ATP11B: variants seen among roughly 807,000 people sequenced by gnomAD.
ATP11B encodes ATPase phospholipid transporting 11B (putative).
ATP11B carries 81 observed loss-of-function variants against 157.8 expected under a neutral mutation model. The observed-to-expected ratio is 0.51, with a 90% CI of 0.43 to 0.62. The LOEUF (loss-of-function observed/expected upper bound fraction) is 0.62. Among genes scored for constraint, ATP11B ranks in the 20% least tolerant of loss-of-function variants. The probability of loss-of-function intolerance (pLI) is 0.00; values close to 1 mark genes in which losing one functional copy is unlikely to be tolerated. For missense variants in ATP11B, 1,165 were observed against 1,402.2 expected (o/e 0.83, Z 2.70); for synonymous variants, 451 against 469.4 (o/e 0.96, Z 0.51).
chr3:182,893,552 G>A (rs1723319523), intron 25 of ATP11B, among the ~76,000 whole-genome samples: 1 of 152,100 alleles, frequency 6.6e-6, no homozygotes, highest in Non-Finnish European at 1.5e-5. Flanking sequence ...TGTATTCCAT[G>A]GTATATATGT....
At chr3:182,853,300 C>T (rs571302924) in intron 10 of ATP11B, among the ~76,000 whole-genome samples, 11 of 152,182 alleles carry the variant, frequency 7.2e-5, no homozygotes, top group South Asian at 4.1e-4. Flanking sequence ...CTCCGCCTCC[C>T]GGGTTCAAGC....
chr3:182,866,201 C>A, intron 13 of ATP11B, 67 bp from the exon 14 acceptor site: 2 of 1,217,186 alleles, frequency 1.6e-6, no homozygotes, highest in Non-Finnish European at 2.2e-6. Context: ...TAGAATTTTG[C>A]CTCTGGTTTC....
At chr3:182,844,012 T>C (rs1705673789) in intron 8 of ATP11B, 1 of 152,214 alleles carries the variant, frequency 6.6e-6, no homozygotes, top group Non-Finnish European at 1.5e-5. Context: ...AATGTGTGGA[T>C]ACATAGTCTG....
At chr3:182,905,879 C>T in intron 28 of ATP11B, 5 of 456,696 alleles carry the variant, frequency 1.1e-5, no homozygotes, top group Non-Finnish European at 1.8e-5. Flanking sequence ...CACCTGCTAG[C>T]TGAGGCTTGC....
intron 2 of ATP11B, among the ~76,000 whole-genome samples, chr3:182,821,088 G>C (rs1576969838): frequency 6.6e-6 from 1 of 152,180 alleles, no homozygotes; most frequent in South Asian, 2.1e-4. Flanking sequence ...TAAATGGCTA[G>C]ATTGGATTTT....
At chr3:182,844,642 C>A in intron 8 of ATP11B, 2 of 601,612 alleles carry the variant, frequency 3.3e-6, no homozygotes, top group African/African-American at 2.0e-5. Flanking sequence ...AAAGCACTAA[C>A]ATACCTTGTA....
chr3:182,888,546 G>C (rs1282675368), intron 24 of ATP11B, among the ~76,000 whole-genome samples: 2 of 151,872 alleles, frequency 1.3e-5, no homozygotes, highest in Non-Finnish European at 2.9e-5. Context: ...TTTGAGACAG[G>C]ATCTTGCTCT....
chr3:182,856,575 C>A (rs1280026140), intron 10 of ATP11B, among the ~76,000 whole-genome samples: 1 of 152,082 alleles, frequency 6.6e-6, no homozygotes, highest in Admixed American at 6.5e-5. Context: ...GGGCTTTAGA[C>A]CAGTTGTTTT....
intron 9 of ATP11B, among the ~76,000 whole-genome samples, chr3:182,846,958 TAAAAAG>T (rs1266335119): frequency 6.6e-6 from 1 of 151,850 alleles, no homozygotes; most frequent in East Asian, 1.9e-4. Flanking sequence ...TTTCCACAAT[TAAAAAG>T]AAATCTGTAA....
At position 182,886,022 on chromosome 3, in the gene ATP11B, G is replaced by A; in HGVS notation, c.2715+12G>A. The A allele has an allele frequency of 1.4e-6, 2 of 1,472,386 alleles. No homozygotes were observed. The highest frequency in any genetic ancestry group is 1.8e-6 in the Non-Finnish European group (2 of 1,116,246). 91.2% of individuals were successfully genotyped at this position (1,472,386 alleles called of 1,614,324 possible). A position where few individuals can be genotyped will look rare whatever the true frequency, so the allele number is the denominator to read the frequency against. ...TGTTTTCTCAGCAAGTAAGTAAATAGAAACTTGTGTTTTGTGTTTTGTCCT... is the reference window on the plus strand; with the variant it reads ...TGTTTTCTCAGCAAGTAAGTAAATAAAAACTTGTGTTTTGTGTTTTGTCCT... On this transcript the variant is annotated intron_variant, in intron 23 of 29. Transcript: ENST00000323116.
intron 10 of ATP11B, among the ~76,000 whole-genome samples, chr3:182,850,006 C>T (rs568351999): frequency 3.6e-4 from 55 of 152,010 alleles, no homozygotes; most frequent in Non-Finnish European, 6.0e-4. Context: ...TTCATGGAGC[C>T]GAAGAGAAAT....
intron 1 of ATP11B, among the ~76,000 whole-genome samples, chr3:182,807,282 T>C (rs1576950874): frequency 6.6e-6 from 1 of 152,106 alleles, no homozygotes; most frequent in African/African-American, 2.4e-5. Context: ...CAGAATGCAT[T>C]AGGGGAAGGA....
At chr3:182,867,515 C>A in intron 15 of ATP11B, 71 bp downstream of exon 15, 1 of 983,858 alleles carries the variant, frequency 1.0e-6, no homozygotes, top group South Asian at 1.4e-5. Flanking sequence ...GATCAGTAAA[C>A]TGTAGCTCAC....
chr3:182,818,557 A>G (rs183610120), intron 1 of ATP11B, among the ~76,000 whole-genome samples: 55 of 152,362 alleles, frequency 3.6e-4, no homozygotes, highest in Admixed American at 9.8e-4. Context: ...GTTATGATGC[A>G]TACAAATGCA....
chr3:182,862,460 AGCT>A (rs1362974390), intron 12 of ATP11B, among the ~76,000 whole-genome samples: 1 of 152,142 alleles, frequency 6.6e-6, no homozygotes, highest in African/African-American at 2.4e-5. Context: ...TTCTGTGTTC[AGCT>A]GTCTGCGGAG....
At chr3:182,862,354 A>C (rs188065891) in intron 12 of ATP11B, among the ~76,000 whole-genome samples, 1 of 152,158 alleles carries the variant, frequency 6.6e-6, no homozygotes, top group Non-Finnish European at 1.5e-5. Flanking sequence ...GCCACACCTT[A>C]AGGTAATGAG....
At chr3:182,842,262 T>C in intron 8 of ATP11B, 140 bp downstream of exon 8, 1 of 659,798 alleles carries the variant, frequency 1.5e-6, no homozygotes, top group South Asian at 1.9e-5. Flanking sequence ...GTTTGTTTTG[T>C]TTTGTTTACA....
intron 10 of ATP11B, among the ~76,000 whole-genome samples, chr3:182,850,792 A>T (rs1445785124): frequency 6.6e-6 from 1 of 152,218 alleles, no homozygotes; most frequent in Non-Finnish European, 1.5e-5. Flanking sequence ...TTGCATGTTT[A>T]TTGCAGCACT....
intron 1 of ATP11B, among the ~76,000 whole-genome samples, chr3:182,795,447 T>C (rs1203401960): frequency 6.6e-6 from 1 of 152,238 alleles, no homozygotes; most frequent in African/African-American, 2.4e-5. Context: ...ATGCTCATCT[T>C]CAAGACAGAA....
Sources: allele counts gnomAD v4.1 joint callset (sites outside exome capture counted in the v4.1 genomes callset), GRCh38; gene constraint gnomAD v4.1.1; transcripts MANE v1.5; gene names NCBI Gene and HGNC (gene_info 2026-07-23, HGNC 2026-07-21).